Variants in RASGRP3 observed in about 807,000 individuals in gnomAD.
RASGRP3 encodes RAS guanyl releasing protein 3, also known as ras guanyl-releasing protein 3.
In RASGRP3, 54 loss-of-function variants were observed where a neutral mutation model predicts 82.7. The observed-to-expected ratio is 0.65, with a 90% CI of 0.52 to 0.82. The LOEUF is 0.82. Among genes scored for constraint, RASGRP3 ranks in the 40% least tolerant of loss-of-function variants. The pLI is 0.00. For missense variants in RASGRP3, 861 were observed against 828.9 expected (o/e 1.04, Z -0.48); for synonymous variants, 309 against 300.5 (o/e 1.03, Z -0.29).
upstream of RASGRP3, among the ~76,000 whole-genome samples, chr2:33,474,604 A>G (rs1667250356): frequency 1.3e-5 from 2 of 152,180 alleles, no homozygotes; most frequent in South Asian, 4.1e-4. Context: ...CACCCAGCTG[A>G]TAGTGAGTTC....
chr2:33,526,126 C>A (rs991828960), intron 9 of RASGRP3, among the ~76,000 whole-genome samples: 1 of 152,152 alleles, frequency 6.6e-6, no homozygotes, highest in African/African-American at 2.4e-5. Flanking sequence ...ATCCCTGGAC[C>A]AATAACAGTT....
At chr2:33,498,150 C>G (rs1488335376) in intron 1 of RASGRP3, among the ~76,000 whole-genome samples, 1 of 152,026 alleles carries the variant, frequency 6.6e-6, no homozygotes, top group Non-Finnish European at 1.5e-5. Context: ...CTTTTTGGTC[C>G]CTTACCAAGA....
chr2:33,550,622 A>G (rs1016884336), intron 14 of RASGRP3, among the ~76,000 whole-genome samples: 1 of 152,226 alleles, frequency 6.6e-6, no homozygotes, highest in Non-Finnish European at 1.5e-5. Context: ...AGGGAGGCCC[A>G]GCACCCAGAG....
At chr2:33,547,342 CTTTTTTTTTTTTTTTTT>C (rs59601670) in intron 13 of RASGRP3, among the ~76,000 whole-genome samples, 1 of 68,178 alleles carries the variant, frequency 1.5e-5, no homozygotes, top group East Asian at 5.0e-4. Flanking sequence ...ATATAGAATC[CTTTTTTTTTTTTTTTTT>C]TTTTTTTTTT....
At chr2:33,517,386 T>A (rs530581932) in intron 4 of RASGRP3, among the ~76,000 whole-genome samples, 1 of 152,316 alleles carries the variant, frequency 6.6e-6, no homozygotes, top group Non-Finnish European at 1.5e-5. Flanking sequence ...AGTCTCTGCC[T>A]TCTTCAAGCC....
At chr2:33,547,188 A>G (rs1375855227) in intron 13 of RASGRP3, among the ~76,000 whole-genome samples, 2 of 152,046 alleles carry the variant, frequency 1.3e-5, no homozygotes, top group Admixed American at 6.6e-5. Context: ...TCTCACTTCT[A>G]AGTGAGAGCT....
intron 1 of RASGRP3, among the ~76,000 whole-genome samples, chr2:33,441,202 T>G (rs1320988599): frequency 1.3e-5 from 2 of 152,192 alleles, no homozygotes; most frequent in Non-Finnish European, 2.9e-5. Context: ...TCCAAACTTG[T>G]TCTTTAGTGT....
intron 10 of RASGRP3, 47 bp from the exon 11 acceptor site, chr2:33,534,276 T>C: frequency 7.6e-7 from 1 of 1,308,900 alleles, no homozygotes. Context: ...CGTAAATAAA[T>C]AAATAAATGT....
chr2:33,509,311 A>C (rs994336009), intron 1 of RASGRP3, among the ~76,000 whole-genome samples: 1 of 152,040 alleles, frequency 6.6e-6, no homozygotes, highest in African/African-American at 2.4e-5. Context: ...CTGAGGTGGG[A>C]GAATCACTTG....
intron 11 of RASGRP3, among the ~76,000 whole-genome samples, chr2:33,534,755 G>A (rs13415828): frequency 0.04 from 5,757 of 144,184 alleles, 386 homozygotes; most frequent in African/African-American, 0.14. Flanking sequence ...TGTTGGCCCC[G>A]GCTGGTCTCG....
At chr2:33,439,047 G>A (rs1326756760) in intron 1 of RASGRP3, among the ~76,000 whole-genome samples, 3 of 152,280 alleles carry the variant, frequency 2.0e-5, no homozygotes, top group Middle Eastern at 3.4e-3. Context: ...GGTATTGCAC[G>A]ATGATTCTTG....
chr2:33,559,566 TG>T, intron 17 of RASGRP3: 1 of 516,996 alleles, frequency 1.9e-6, no homozygotes. Flanking sequence ...AGCAAAATCA[TG>T]CAAAGCAAAG....
At chr2:33,468,197 G>A (rs993722759) in intron 2 of RASGRP3, among the ~76,000 whole-genome samples, 9 of 151,994 alleles carry the variant, frequency 5.9e-5, no homozygotes, top group African/African-American at 1.4e-4. Context: ...GTAGATAAAT[G>A]CTGATGAGCA....
intron 10 of RASGRP3, among the ~76,000 whole-genome samples, chr2:33,528,059 G>T (rs1394177809): frequency 6.6e-6 from 1 of 152,054 alleles, no homozygotes; most frequent in Non-Finnish European, 1.5e-5. Context: ...CATCCATGTG[G>T]CAAGTTCAAT....
chr2:33,444,612 C>G (rs1196087734), intron 1 of RASGRP3, among the ~76,000 whole-genome samples: 1 of 152,204 alleles, frequency 6.6e-6, no homozygotes, highest in Non-Finnish European at 1.5e-5. Flanking sequence ...GCTACCTTTT[C>G]TGTACTCACA....
At chr2:33,479,932 C>T (rs1433264438) in intron 1 of RASGRP3, among the ~76,000 whole-genome samples, 1 of 151,968 alleles carries the variant, frequency 6.6e-6, no homozygotes, top group Admixed American at 6.6e-5. Context: ...GAAAATCAAG[C>T]AAGTATGCCA....
At chr2:33,473,930 A>G (rs1327264162), upstream of RASGRP3, among the ~76,000 whole-genome samples, 3 of 152,318 alleles carry the variant, frequency 2.0e-5, no homozygotes, top group Admixed American at 6.5e-5. Flanking sequence ...ACCTCAGATC[A>G]TCAGGCATTA....
At chr2:33,547,585 G>T (rs1674923372) in intron 13 of RASGRP3, among the ~76,000 whole-genome samples, 1 of 151,994 alleles carries the variant, frequency 6.6e-6, no homozygotes, top group African/African-American at 2.4e-5. Context: ...TGGATCATCA[G>T]GAAGAGAGGT....
At chr2:33,496,573 G>A (rs1318723029) in intron 1 of RASGRP3, among the ~76,000 whole-genome samples, 1 of 152,140 alleles carries the variant, frequency 6.6e-6, no homozygotes, top group Admixed American at 6.6e-5. Context: ...ATAAATGTTT[G>A]GGCTGGGCAC....
Sources: allele counts gnomAD v4.1 joint callset (sites outside exome capture counted in the v4.1 genomes callset), GRCh38; gene constraint gnomAD v4.1.1; transcripts MANE v1.5; gene names NCBI Gene and HGNC (gene_info 2026-07-23, HGNC 2026-07-21).